Variants in NIN observed in about 807,000 individuals in gnomAD.
NIN encodes the protein ninein.
In NIN, 137 loss-of-function variants were observed where a neutral mutation model predicts 257.6. The ratio of observed to expected loss-of-function variants is 0.53; its 90% CI spans 0.46 to 0.61. The LOEUF (loss-of-function observed/expected upper bound fraction) is 0.61, where lower values mean the gene tolerates loss of function less well. Among genes scored for constraint, NIN ranks in the 20% least tolerant of loss-of-function variants. The probability of loss-of-function intolerance (pLI) is 0.00; values close to 1 mark genes in which losing one functional copy is unlikely to be tolerated. For synonymous variants in NIN, 918 were observed against 919.8 expected, an observed-to-expected ratio of 1.00 and a Z score of 0.04; for missense variants, 2,439 against 2,501.2, an observed-to-expected ratio of 0.98 and a Z score of 0.53.
At chr14:50,802,905 T>C (rs79801463) in intron 4 of NIN, among the ~76,000 whole-genome samples, 3,265 of 152,334 alleles carry the variant, frequency 0.021, 129 homozygotes, top group African/African-American at 0.074. Flanking sequence ...TATAAAAATC[T>C]TTGGTGTTAT....
At chr14:50,740,679 G>A (rs192022234) in intron 25 of NIN, among the ~76,000 whole-genome samples, 9 of 151,844 alleles carry the variant, frequency 5.9e-5, no homozygotes, top group Non-Finnish European at 7.4e-5. Flanking sequence ...ACAGGGTTTC[G>A]CCATGTTGGC....
At position 50,770,542 on chromosome 14, in the gene NIN, T is replaced by C. The variant is rs747498207; in HGVS notation, c.1280A>G (p.Lys427Arg). 3 of 1,614,062 alleles carry C rather than the reference T, an allele frequency of 1.9e-6. No individual in the cohort carries two copies. The highest frequency in any genetic ancestry group is 2.5e-6 in the Non-Finnish European group (3 of 1,179,990). Residue 427 changes from lysine to arginine, a missense_variant, in exon 12 of 31, where the codon AAG (lysine) becomes AGG (arginine). Transcript: ENST00000530997. ...YNLRKLDEEY[K>R]ERIAALKNEL... is the part of the protein sequence containing the mutation. ...ATTTTTTAAGGCTGCTATTCGCTCC[T>C]TGTACTCTTCATCCAGTTTCCTGTA...
chr14:50,766,336 T>C lies in NIN; in HGVS notation c.1606A>G (p.Met536Val). ...CACTGCCGCTCATATTCATTTCTCA[T>C]CTGTGTCAGTCTCTCTTCTTGCAGG... is the stretch of plus-strand genomic sequence containing the variant. ...FFLQEERLTQ[M>V]RNEYERQCRV... Residue 536 changes from methionine (M) to valine (V), a missense_variant, in exon 14 of 31, where the codon ATG becomes GTG. By Grantham distance (21) the Met-to-Val change is conservative (BLOSUM62 1). Coordinates refer to ENST00000530997, the MANE Select transcript of NIN (RefSeq NM_020921.4). 5 of 1,614,096 alleles carry C rather than the reference T, an allele frequency of 3.1e-6. No homozygotes were observed. Among genetic ancestry groups the C allele is most frequent in the Non-Finnish European group, 4.2e-6 (5 of 1,179,990 alleles).
chr14:50,730,037 C>T (rs1010675384), intron 28 of NIN, among the ~76,000 whole-genome samples: 4 of 141,958 alleles, frequency 2.8e-5, no homozygotes, highest in African/African-American at 5.5e-5. Flanking sequence ...TTTTCTTATA[C>T]TGGAATAATT....
At chr14:50,776,784 CACA>C (rs2042940465) in intron 7 of NIN, among the ~76,000 whole-genome samples, 162 bp downstream of exon 7, 1 of 152,286 alleles carries the variant, frequency 6.6e-6, no homozygotes, top group African/African-American at 2.4e-5. Flanking sequence ...TTTTTCACAA[CACA>C]ACAAGAGCTC....
At chr14:50,801,630 A>G (rs1011004258) in intron 4 of NIN, among the ~76,000 whole-genome samples, 1 of 152,214 alleles carries the variant, frequency 6.6e-6, no homozygotes, top group Non-Finnish European at 1.5e-5. Flanking sequence ...CACTGAAATC[A>G]ATAGCTAGCC....
chr14:50,788,526 A>G (rs1453231164), intron 5 of NIN, among the ~76,000 whole-genome samples: 1 of 152,222 alleles, frequency 6.6e-6, no homozygotes, highest in Non-Finnish European at 1.5e-5. Context: ...GGTTATGCTT[A>G]TGGGCAATAG....
intron 2 of NIN, 88 bp from the exon 3 acceptor site, chr14:50,822,165 C>T (rs2045253912): frequency 3.4e-6 from 3 of 885,792 alleles, no homozygotes; most frequent in Middle Eastern, 2.3e-4. Flanking sequence ...GTTCTCTGTA[C>T]CCCACCAGTC....
Position 50,743,453 on chromosome 14 carries a change from G to T in NIN, c.5264C>A (p.Ala1755Glu). 6.2e-7 allele frequency: 1 copy of T among 1,613,386 alleles called. No individual in the cohort carries two copies. The highest frequency in any genetic ancestry group is 2.2e-5 in the East Asian group (1 of 44,876). Residue 1755 changes from alanine to glutamate, a missense_variant, in exon 24 of 31, where the codon GCG becomes GAG. Around this residue, in one of 3 missense-constraint regions of NIN, gnomAD observed 2,043 missense variants for 2,050.2 expected, o/e 1.00. Coordinates refer to ENST00000530997, the MANE Select transcript of NIN (RefSeq NM_020921.4). The stretch of plus-strand genomic sequence containing the variant: ...AGCCACCAGCTGTGACTTTAAGCTC[G>T]CACTCTGATGTTCCCAGGATTTCTG... ...QEQKSWEHQSASLKSQLVASQ... is the reference protein window; with the variant it reads ...QEQKSWEHQSESLKSQLVASQ...
Position 50,807,517 on chromosome 14 carries a change from A to C in NIN, c.184-699T>G, listed in dbSNP as rs576593259. On this transcript the variant is annotated intron_variant, in intron 3 of 30. Transcript: ENST00000530997. ...AAAAGCATTTTCTTTATGGCCAAGG[A>C]TATTCTATAACTTAGATGTATGTAA... 1.1e-4 allele frequency among the ~76,000 whole-genome samples: 17 copies of C among 152,324 alleles called. No homozygotes were observed. The South Asian group carries it at 3.1e-3, about 28-fold the overall frequency.
At chr14:50,778,581 T>C (rs901275622) in intron 6 of NIN, among the ~76,000 whole-genome samples, 184 bp downstream of exon 6, 6 of 152,222 alleles carry the variant, frequency 3.9e-5, no homozygotes, top group Non-Finnish European at 8.8e-5. Flanking sequence ...TTACCATCTC[T>C]TGCATGATAC....
At position 50,750,115 on chromosome 14, in the gene NIN, C is replaced by CT. The variant is rs199546395; in HGVS notation, c.4951-2011dup. On this transcript the variant is annotated intron_variant, in intron 21 of 30. Transcript: ENST00000530997. ...AGGACACAGGCCCTTTTGACATGTC[C>CT]TTTTTTTTTAAAACATCTTTTTCCT... Among the ~76,000 whole-genome samples the CT allele has an allele frequency of 8.3e-3, 1,254 of 151,310 alleles. 16 individuals carry two copies. The highest frequency in any genetic ancestry group is 0.028 in the African/African-American group (1,141 of 41,292).
Position 50,729,644 on chromosome 14 carries a change from C to T in NIN, c.5957G>A (p.Cys1986Tyr), listed in dbSNP as rs1566776084. 2 of 1,614,008 alleles carry T rather than the reference C, an allele frequency of 1.2e-6. No individual in the cohort carries two copies. Among genetic ancestry groups the T allele is most frequent in the Non-Finnish European group, 1.7e-6 (2 of 1,179,976 alleles). The change falls in exon 29 of 31, where the codon TGT (cysteine) becomes TAT (tyrosine). Residue 1986 changes from cysteine (C) to tyrosine (Y), a missense_variant. Cys to Tyr is a radical substitution (Grantham distance 194, BLOSUM62 -2). Coordinates refer to ENST00000530997, the MANE Select transcript of NIN (RefSeq NM_020921.4). ...AAACTGCTCCCTGGGCACCATCGGA[C>T]AGGCTTGCTGCTGGAGCAGCTGCAA... is the stretch of plus-strand genomic sequence containing the variant. ...WDLQLLQQQA[C>Y]PMVPREQFLQ...
intron 4 of NIN, among the ~76,000 whole-genome samples, chr14:50,798,185 C>A (rs985681645): frequency 6.6e-6 from 1 of 152,224 alleles, no homozygotes; most frequent in Non-Finnish European, 1.5e-5. Flanking sequence ...TAGCACCTCC[C>A]TCCCCAACTA....
chr14:50,796,874 C>T (rs1013183800), intron 4 of NIN, among the ~76,000 whole-genome samples: 1 of 152,234 alleles, frequency 6.6e-6, no homozygotes, highest in Non-Finnish European at 1.5e-5. Flanking sequence ...CAGATCACCA[C>T]ATCTGCATCA....
At chr14:50,807,314 G>A (rs998499219) in intron 3 of NIN, among the ~76,000 whole-genome samples, 1 of 152,126 alleles carries the variant, frequency 6.6e-6, no homozygotes, top group Non-Finnish European at 1.5e-5. Context: ...ATTTCCCAAG[G>A]CCTCTGTGAT....
intron 3 of NIN, among the ~76,000 whole-genome samples, chr14:50,809,146 G>A (rs2044467572): frequency 6.6e-6 from 1 of 152,178 alleles, no homozygotes; most frequent in Admixed American, 6.6e-5. Context: ...GCTTGAACTT[G>A]GGAGGTGTAG....
intron 28 of NIN, among the ~76,000 whole-genome samples, chr14:50,734,312 G>A (rs1384620662): frequency 2.6e-5 from 4 of 151,972 alleles, no homozygotes; most frequent in African/African-American, 9.7e-5. Flanking sequence ...GGCTGGTCTC[G>A]AACTCCTGAC....
At chr14:50,725,720 C>T in intron 30 of NIN, 1 of 648,516 alleles carries the variant, frequency 1.5e-6, no homozygotes, top group Non-Finnish European at 2.6e-6. Context: ...AAGATTTACA[C>T]TTTTAAATTG....
Sources: gnomAD v4.1 joint callset for allele counts (sites outside exome capture counted in the v4.1 genomes callset) on GRCh38, gnomAD v4.1.1 for gene constraint, gnomAD v4.1.1 regional missense constraint, MANE v1.5 for transcripts, NCBI Gene and HGNC (gene_info 2026-07-23, HGNC 2026-07-21) for gene names.